Variants in ACOT9 observed in about 807,000 individuals in gnomAD.
ACOT9 encodes the protein acyl-coenzyme A thioesterase 9, mitochondrial.
ACOT9 carries 34 observed loss-of-function variants against 39.7 expected under a neutral mutation model. The ratio of observed to expected loss-of-function variants is 0.86; its 90% CI spans 0.65 to 1.14. ACOT9 has a LOEUF of 1.14. ACOT9 is among the 50% of genes most tolerant of loss of function. The pLI is 0.00. For synonymous variants in ACOT9, 110 were observed against 120.5 expected (o/e 0.91, Z 0.57); for missense variants, 313 against 344.1 (o/e 0.91, Z 0.71).
chrX:23,732,883 T>C (rs1275525996), intron 4 of ACOT9, among the ~76,000 whole-genome samples: 2 of 111,959 alleles, frequency 1.8e-5, no homozygotes, highest in Non-Finnish European at 3.8e-5. Flanking sequence ...AACAGGAACA[T>C]ATGTCGTAAG....
At chrX:23,714,419 A>T (rs1044380398) in intron 8 of ACOT9, among the ~76,000 whole-genome samples, 5 of 111,581 alleles carry the variant, frequency 4.5e-5, no homozygotes, top group Non-Finnish European at 7.5e-5. Context: ...AAAATACTCC[A>T]AAATCCAAAA....
intron 7 of ACOT9, 69 bp from the exon 8 acceptor site, chrX:23,722,053 T>A: frequency 1.4e-6 from 1 of 711,743 alleles, no homozygotes; most frequent in Non-Finnish European, 2.0e-6. Flanking sequence ...TATGAACAAT[T>A]AGAAATTATG....
At chrX:23,733,633 C>T (rs1045424575) in intron 3 of ACOT9, among the ~76,000 whole-genome samples, 5 of 111,753 alleles carry the variant, frequency 4.5e-5, no homozygotes, top group Non-Finnish European at 7.5e-5. Context: ...GGCTAGAGTT[C>T]GGTGGCACAA....
intron 1 of ACOT9, among the ~76,000 whole-genome samples, chrX:23,742,227 A>AGAGAGAGAGAGAGAGAGG (rs1429157279): frequency 4.1e-5 from 2 of 49,295 alleles, no homozygotes; most frequent in Non-Finnish European, 6.2e-5. Context: ...AGAGAGAGAG[A>AGAGAGAGAGAGAGAGAGG]GAGAGAGAGG....
intron 4 of ACOT9, among the ~76,000 whole-genome samples, chrX:23,732,355 G>A (rs1929786491): frequency 8.9e-6 from 1 of 112,200 alleles, no homozygotes; most frequent in Admixed American, 9.5e-5. Flanking sequence ...TTGGAGATAA[G>A]CGAAGGCTGG....
At chrX:23,726,669 CTTT>C (rs202115217) in intron 6 of ACOT9, among the ~76,000 whole-genome samples, 23 of 96,748 alleles carry the variant, frequency 2.4e-4, no homozygotes, top group East Asian at 3.3e-4. Context: ...TTTTACTTAT[CTTT>C]TTTTTTTTTT....
At chrX:23,739,240 CAAAAAAA>C (rs1232962335) in intron 1 of ACOT9, among the ~76,000 whole-genome samples, 1 of 105,114 alleles carries the variant, frequency 9.5e-6, no homozygotes, top group Admixed American at 1.0e-4. Context: ...GACTCTGTCT[CAAAAAAA>C]AAAGAGCCCA....
At chrX:23,732,595 T>C (rs1929794227) in intron 4 of ACOT9, among the ~76,000 whole-genome samples, 1 of 112,020 alleles carries the variant, frequency 8.9e-6, no homozygotes, top group Non-Finnish European at 1.9e-5. Context: ...ATACCAACAA[T>C]AGATTATTAT....
chrX:23,704,172 T>G (rs1248659293), intron 15 of ACOT9, among the ~76,000 whole-genome samples, 190 bp from the exon 16 acceptor site: 26 of 91,291 alleles, frequency 2.8e-4, no homozygotes, highest in Non-Finnish European at 5.5e-4. Context: ...ATCAGTTTTT[T>G]TTTTTTTTTT....
chrX:23,736,110 A>C, intron 1 of ACOT9, 94 bp from the exon 2 acceptor site: 1 of 652,935 alleles, frequency 1.5e-6, no homozygotes, highest in Non-Finnish European at 2.3e-6. Flanking sequence ...TGGCCATATC[A>C]CCCTTAGTAT....
chrX:23,721,880 C>T lies in ACOT9; in HGVS notation c.588+1G>A. On this transcript the variant is annotated splice_donor_variant, in intron 8 of 15. Coordinates refer to ENST00000379303, the MANE Select transcript of ACOT9 (RefSeq NM_001037171.2). LOFTEE classifies it high-confidence loss of function. The stretch of plus-strand genomic sequence containing the variant: ...TGGACAATCTTCAGGCGCATATTTA[C>T]CTGGAACATTTGCATCTTCACTTCC... 2 of 1,203,590 alleles carry T rather than the reference C, an allele frequency of 1.7e-6. No homozygotes were observed. The highest frequency in any genetic ancestry group is 2.2e-6 in the Non-Finnish European group (2 of 889,084).
At chrX:23,733,070 T>A (rs990192189) in intron 4 of ACOT9, 102 bp downstream of exon 4, 5 of 778,984 alleles carry the variant, frequency 6.4e-6, no homozygotes, top group Non-Finnish European at 9.4e-6. Context: ...TCTCTGAACA[T>A]AGGGCTCCCC....
intron 9 of ACOT9, among the ~76,000 whole-genome samples, chrX:23,709,339 G>A (rs996681292): frequency 8.9e-5 from 10 of 112,111 alleles, no homozygotes; most frequent in Non-Finnish European, 1.9e-4. Context: ...GTTGCAGTGA[G>A]CCGAGATAGC....
At chrX:23,716,283 C>T (rs967323971) in intron 8 of ACOT9, among the ~76,000 whole-genome samples, 1 of 112,270 alleles carries the variant, frequency 8.9e-6, no homozygotes, top group African/African-American at 3.2e-5. Context: ...AGTTGAATAT[C>T]CCTTATCCAA....
intron 4 of ACOT9, 35 bp from the exon 5 acceptor site, chrX:23,731,021 A>G (rs1347276789): frequency 2.6e-6 from 3 of 1,152,881 alleles, no homozygotes; most frequent in Admixed American, 4.5e-5. Context: ...ATAAAACAAG[A>G]GCAGTTCTAG....
intron 8 of ACOT9, among the ~76,000 whole-genome samples, chrX:23,713,852 C>T (rs775932363): frequency 1.8e-5 from 2 of 110,574 alleles, no homozygotes; most frequent in Non-Finnish European, 3.8e-5. Context: ...GGCAACATAG[C>T]GAGACCTGGT....
intron 8 of ACOT9, among the ~76,000 whole-genome samples, chrX:23,714,359 T>C (rs1457964883): frequency 9.0e-6 from 1 of 110,977 alleles, no homozygotes; most frequent in Non-Finnish European, 1.9e-5. Flanking sequence ...TCAAAGATGA[T>C]TATGTGGGTT....
chrX:23,703,740 T>C lies in ACOT9; in HGVS notation c.*154A>G. 2.3e-6 allele frequency: 1 copy of C among 426,589 alleles called. No individual in the cohort carries two copies. The highest frequency in any genetic ancestry group is 4.4e-5 in the South Asian group (1 of 22,732). 35.2% of individuals were successfully genotyped at this position (426,589 alleles called of 1,213,427 possible). ...CCCTCAGCCCCATCCGGCCACTCTC[T>C]CTTTCTGCTTTTCTGATCATCCTAA... On this transcript the variant is annotated 3_prime_UTR_variant, in exon 16 of 16. Coordinates refer to ENST00000379303, the MANE Select transcript of ACOT9 (RefSeq NM_001037171.2).
Position 23,722,684 on chromosome X carries a change from A to G in ACOT9, c.470T>C (p.Leu157Pro). The G allele has an allele frequency of 8.4e-7, 1 of 1,188,900 alleles. No individual in the cohort carries two copies. The highest frequency in any genetic ancestry group is 1.1e-6 in the Non-Finnish European group (1 of 878,322). ...KMSPLSIVTA[L>P]VDKIDMCKKS... ...ATATCACTTACCAATCTTATCCACCAGGGCTGTAACTATCGATAAAGGAGA... is the reference window on the plus strand; with the variant it reads ...ATATCACTTACCAATCTTATCCACCGGGGCTGTAACTATCGATAAAGGAGA... The change falls in exon 7 of 16, where the codon CTG becomes CCG. Residue 157 changes from leucine (L) to proline (P), a missense_variant. Coordinates refer to ENST00000379303, the MANE Select transcript of ACOT9 (RefSeq NM_001037171.2).
Sources: allele counts gnomAD v4.1 joint callset (sites outside exome capture counted in the v4.1 genomes callset), GRCh38; gene constraint gnomAD v4.1.1; transcripts MANE v1.5; gene names NCBI Gene and HGNC (gene_info 2026-07-23, HGNC 2026-07-21).